PDE4D: variants seen among roughly 807,000 people sequenced by gnomAD.
The protein encoded by PDE4D is 3',5'-cyclic-AMP phosphodiesterase 4D.
A neutral mutation model predicts 87.4 loss-of-function variants in PDE4D; 24 were observed. The observed-to-expected ratio is 0.27, with a 90% CI of 0.20 to 0.39. The LOEUF is 0.39. Among genes scored for constraint, PDE4D ranks in the 10% least tolerant of loss-of-function variants. PDE4D has a pLI of 1.00. For synonymous variants in PDE4D, 384 were observed against 383.2 expected (o/e 1.00, Z -0.02); for missense variants, 714 against 1,041.0 (o/e 0.69, Z 4.32).
At chr5:59,185,045 T>C in intron 4 of PDE4D, 144 bp downstream of exon 4, 1 of 575,332 alleles carries the variant, frequency 1.7e-6, no homozygotes, top group Non-Finnish European at 3.1e-6. Flanking sequence ...TATAGAAAAT[T>C]AACAGGACAT....
intron 1 of PDE4D, among the ~76,000 whole-genome samples, chr5:59,394,442 T>C (rs1300714782): frequency 6.6e-6 from 1 of 152,210 alleles, no homozygotes; most frequent in African/African-American, 2.4e-5. Context: ...CCTGGTATTT[T>C]CTTTTTTTGC....
intron 5 of PDE4D, among the ~76,000 whole-genome samples, chr5:59,095,155 A>C (rs1215043778): frequency 6.6e-6 from 1 of 152,042 alleles, no homozygotes; most frequent in East Asian, 1.9e-4. Context: ...GTCATCAGAA[A>C]CATAACTAAG....
rs1828767706 is a variant in PDE4D, at chr5:59,609,927, C to T, written c.455+283241G>A. Among the ~76,000 whole-genome samples, 3 of 152,228 alleles carry T rather than the reference C, an allele frequency of 2.0e-5. No individual in the cohort carries two copies. In the South Asian group the frequency reaches 6.2e-4, roughly 32 times the overall value. On this transcript the variant is annotated intron_variant, in intron 1 of 14. Transcript: ENST00000340635. The stretch of plus-strand genomic sequence containing the variant: ...TGGAGAACTGAAAGAACTTTTTTCA[C>T]TAGATTCCTAGAATTTGAGAGCTCC...
At chr5:59,071,969 G>A (rs756040275) in intron 5 of PDE4D, among the ~76,000 whole-genome samples, 49 of 152,068 alleles carry the variant, frequency 3.2e-4, no homozygotes, top group Non-Finnish European at 4.7e-4. Context: ...GATTACAGGC[G>A]TGAGCCACCG....
chr5:59,073,076 G>C lies in PDE4D; in HGVS notation c.809-34105C>G, dbSNP rs950446. Among the ~76,000 whole-genome samples, 13 of 152,160 alleles carry C rather than the reference G, an allele frequency of 8.5e-5. No individual in the cohort carries two copies. In the South Asian group the frequency reaches 2.7e-3, roughly 32 times the overall value. On this transcript the variant is annotated intron_variant, in intron 5 of 14. Coordinates refer to ENST00000340635, the MANE Select transcript of PDE4D (RefSeq NM_001104631.2). ...TAGGCTTTGAACTTATAACAGAAAG[G>C]TATCTGCTTTTAACTATATTAATTC...
intron 5 of PDE4D, among the ~76,000 whole-genome samples, chr5:59,161,422 G>A (rs775423939): frequency 1.3e-5 from 2 of 152,160 alleles, no homozygotes; most frequent in Non-Finnish European, 2.9e-5. Context: ...ATTAGCAATT[G>A]GTTGAAAGAG....
intron 1 of PDE4D, among the ~76,000 whole-genome samples, chr5:59,830,531 C>T (rs1318445793): frequency 6.6e-6 from 1 of 152,070 alleles, no homozygotes; most frequent in Non-Finnish European, 1.5e-5. Flanking sequence ...GGAAGATTAA[C>T]AGGTAAAGAT....
At chr5:59,502,334 C>G (rs150748902) in intron 1 of PDE4D, among the ~76,000 whole-genome samples, 2 of 152,190 alleles carry the variant, frequency 1.3e-5, no homozygotes, top group Non-Finnish European at 2.9e-5. Flanking sequence ...TATGACATGA[C>G]TTTCAGATTT....
intron 1 of PDE4D, among the ~76,000 whole-genome samples, chr5:59,374,856 C>T (rs1465152670): frequency 6.6e-6 from 1 of 152,108 alleles, no homozygotes; most frequent in East Asian, 1.9e-4. Flanking sequence ...AAATTAGAAG[C>T]TAAGGCTAAG....
intron 1 of PDE4D, among the ~76,000 whole-genome samples, chr5:59,566,292 G>A (rs894038096): frequency 2.0e-5 from 3 of 152,094 alleles, no homozygotes; most frequent in Admixed American, 1.3e-4. Flanking sequence ...CCACCTCTGT[G>A]CCTGCCTCCA....
intron 1 of PDE4D, among the ~76,000 whole-genome samples, chr5:60,217,926 G>C (rs993512549): frequency 1.3e-5 from 2 of 151,854 alleles, no homozygotes; most frequent in Admixed American, 1.3e-4. Flanking sequence ...AGAGGAACTA[G>C]GGCTCTCATA....
chr5:59,629,234 C>T (rs1431557388), intron 1 of PDE4D, among the ~76,000 whole-genome samples: 1 of 152,034 alleles, frequency 6.6e-6, no homozygotes, highest in Non-Finnish European at 1.5e-5. Flanking sequence ...TGTACTGTGT[C>T]CCCCTATCAA....
chr5:59,928,953 TCAGAG>T (rs1012796953), intron 3 of PDE4D, among the ~76,000 whole-genome samples: 18 of 151,632 alleles, frequency 1.2e-4, no homozygotes, highest in African/African-American at 4.1e-4. Flanking sequence ...CATCCCCAAA[TCAGAG>T]CAAAGTCCAT....
At chr5:59,532,547 T>G (rs1345216055) in intron 1 of PDE4D, among the ~76,000 whole-genome samples, 1 of 152,202 alleles carries the variant, frequency 6.6e-6, no homozygotes, top group Non-Finnish European at 1.5e-5. Flanking sequence ...GTTTAGAGAA[T>G]CAGTCAATGT....
chr5:60,093,667 C>G (rs924629764), intron 2 of PDE4D, among the ~76,000 whole-genome samples: 2 of 152,108 alleles, frequency 1.3e-5, no homozygotes, highest in African/African-American at 2.4e-5. Flanking sequence ...AGTAACTTTA[C>G]AAGGCTTATG....
chr5:59,035,729 C>A (rs1275418650), intron 6 of PDE4D, among the ~76,000 whole-genome samples: 1 of 152,130 alleles, frequency 6.6e-6, no homozygotes, highest in African/African-American at 2.4e-5. Context: ...TAGCAAGAAA[C>A]AAAACCATAA....
At chr5:60,415,511 A>G (rs1742427120) in intron 1 of PDE4D, among the ~76,000 whole-genome samples, 1 of 152,210 alleles carries the variant, frequency 6.6e-6, no homozygotes, top group African/African-American at 2.4e-5. Flanking sequence ...GGCCAGTGCG[A>G]GTTCCGGTGG....
intron 1 of PDE4D, among the ~76,000 whole-genome samples, chr5:60,469,796 C>T (rs1747678374): frequency 6.6e-6 from 1 of 152,146 alleles, no homozygotes; most frequent in African/African-American, 2.4e-5. Context: ...AATGTGTATT[C>T]TCTAACTGCT....
chr5:59,945,936 G>GC (rs1757685008), intron 3 of PDE4D, among the ~76,000 whole-genome samples: 2 of 152,262 alleles, frequency 1.3e-5, no homozygotes, highest in South Asian at 4.2e-4. Context: ...AGCTCTAACA[G>GC]CCCCTGAGCA....
Sources: allele counts gnomAD v4.1 joint callset (sites outside exome capture counted in the v4.1 genomes callset), GRCh38; gene constraint gnomAD v4.1.1; transcripts MANE v1.5; gene names NCBI Gene and HGNC (gene_info 2026-07-23, HGNC 2026-07-21).